Variants in SDK1 observed in about 807,000 individuals in gnomAD.
SDK1 encodes sidekick cell adhesion molecule 1.
In SDK1, 157 loss-of-function variants were observed where a neutral mutation model predicts 245.5. The observed-to-expected ratio is 0.64, with a 90% CI of 0.56 to 0.73. SDK1 has a LOEUF of 0.73. Ranked by LOEUF, SDK1 falls within the 30% of genes least tolerant of loss-of-function variation. The pLI is 0.00. For missense variants in SDK1, 3,583 were observed against 3,002.3 expected (o/e 1.19, Z -4.52); for synonymous variants, 1,647 against 1,278.5 (o/e 1.29, Z -6.15).
chr7:3,643,875 A>T (rs974237027), intron 4 of SDK1: 1 of 147,878 alleles, frequency 6.8e-6, no homozygotes, highest in African/African-American at 2.5e-5. Context: ...AATTATTATT[A>T]TTACTATTAA....
chr7:4,114,435 A>G (rs972755428), intron 25 of SDK1, among the ~76,000 whole-genome samples, 161 bp downstream of exon 25: 5 of 152,162 alleles, frequency 3.3e-5, no homozygotes, highest in Non-Finnish European at 7.3e-5. Context: ...CTCGGCAGGA[A>G]TTTCTGTCTG....
At chr7:3,595,164 G>C (rs1053488722) in intron 1 of SDK1, among the ~76,000 whole-genome samples, 1 of 151,936 alleles carries the variant, frequency 6.6e-6, no homozygotes, top group African/African-American at 2.4e-5. Context: ...TGAATAATGT[G>C]AGCTTTTTCA....
At chr7:3,975,999 G>GGCTGCAAA (rs1754266194) in intron 13 of SDK1, among the ~76,000 whole-genome samples, 1 of 17,440 alleles carries the variant, frequency 5.7e-5, no homozygotes, top group Non-Finnish European at 1.2e-4. Flanking sequence ...CCGGGGCTGA[G>GGCTGCAAA]GCTGCCACGC....
chr7:3,320,016 T>TG (rs902102745), intron 1 of SDK1, among the ~76,000 whole-genome samples: 81 of 152,000 alleles, frequency 5.3e-4, no homozygotes, highest in African/African-American at 1.9e-3. Flanking sequence ...CTGGATGTGG[T>TG]GGAGGGATAT....
At chr7:3,354,855 C>G (rs1190866435) in intron 1 of SDK1, among the ~76,000 whole-genome samples, 1 of 152,210 alleles carries the variant, frequency 6.6e-6, no homozygotes, top group Non-Finnish European at 1.5e-5. Context: ...AACGATTGGA[C>G]TTAAAGTGTA....
chr7:4,019,799 GTGTCTTCTTCA>G (rs1786727239), intron 17 of SDK1, among the ~76,000 whole-genome samples: 2 of 152,176 alleles, frequency 1.3e-5, no homozygotes, highest in African/African-American at 2.4e-5. Flanking sequence ...TCCTGTCTTC[GTGTCTTCTTCA>G]TGTCTTCTGC....
chr7:3,801,860 A>G (rs960019597), intron 4 of SDK1, among the ~76,000 whole-genome samples: 22 of 151,150 alleles, frequency 1.5e-4, no homozygotes, highest in African/African-American at 4.1e-4. Context: ...CGATTCTCAA[A>G]CTCCAACATT....
chr7:3,748,898 A>G (rs563349238), intron 4 of SDK1, among the ~76,000 whole-genome samples: 5 of 152,238 alleles, frequency 3.3e-5, no homozygotes, highest in South Asian at 4.1e-4. Flanking sequence ...TGTCCAGACA[A>G]TTTTTTGTTG....
At chr7:3,533,778 C>A (rs1253304847) in intron 1 of SDK1, among the ~76,000 whole-genome samples, 1 of 151,862 alleles carries the variant, frequency 6.6e-6, no homozygotes, top group African/African-American at 2.4e-5. Context: ...TTGGCTGCTT[C>A]CCCCGCCCCC....
chr7:4,027,356 C>T (rs1364927492), intron 17 of SDK1, among the ~76,000 whole-genome samples: 1 of 152,168 alleles, frequency 6.6e-6, no homozygotes, highest in South Asian at 2.1e-4. Flanking sequence ...TCCTCCTGTG[C>T]CAAATCCAGC....
intron 1 of SDK1, among the ~76,000 whole-genome samples, chr7:3,610,608 A>G (rs1251027290): frequency 6.6e-6 from 1 of 152,254 alleles, no homozygotes; most frequent in Non-Finnish European, 1.5e-5. Context: ...ACTAGTACAT[A>G]AATATAGCCA....
intron 1 of SDK1, among the ~76,000 whole-genome samples, chr7:3,468,415 C>T (rs1057203653): frequency 5.3e-5 from 8 of 152,042 alleles, no homozygotes; most frequent in African/African-American, 1.7e-4. Flanking sequence ...CATTCTCCCC[C>T]GAATCTACCC....
chr7:3,678,708 G>T (rs556011715), intron 4 of SDK1, among the ~76,000 whole-genome samples: 1 of 152,142 alleles, frequency 6.6e-6, no homozygotes, highest in African/African-American at 2.4e-5. Flanking sequence ...AGAAATAGTG[G>T]TGATATGCAC....
chr7:3,775,619 G>T (rs1337836414), intron 4 of SDK1, among the ~76,000 whole-genome samples: 7 of 150,790 alleles, frequency 4.6e-5, no homozygotes, highest in Non-Finnish European at 2.9e-5. Context: ...GCCCAGGCCG[G>T]ACTGCGGACT....
At chr7:4,135,808 C>T (rs773243751) in intron 28 of SDK1, among the ~76,000 whole-genome samples, 1 of 152,172 alleles carries the variant, frequency 6.6e-6, no homozygotes, top group South Asian at 2.1e-4. Flanking sequence ...TTCATCGTTT[C>T]CCTGGCACCA....
intron 30 of SDK1, 142 bp downstream of exon 30, chr7:4,149,605 C>G (rs1562888629): frequency 1.8e-6 from 1 of 541,216 alleles, no homozygotes; most frequent in Non-Finnish European, 3.1e-6. Flanking sequence ...TTGACACTCC[C>G]CATGCTGGGA....
intron 4 of SDK1, among the ~76,000 whole-genome samples, chr7:3,711,104 C>G (rs1785037795): frequency 6.6e-6 from 1 of 152,060 alleles, no homozygotes; most frequent in Admixed American, 6.5e-5. Flanking sequence ...AGTTTCGTAT[C>G]CAAAAGTTTG....
At chr7:3,992,945 G>A (rs1784450460) in intron 14 of SDK1, among the ~76,000 whole-genome samples, 1 of 152,112 alleles carries the variant, frequency 6.6e-6, no homozygotes, top group South Asian at 2.1e-4. Flanking sequence ...GACCCGTTTT[G>A]CATCTATTTA....
intron 5 of SDK1, among the ~76,000 whole-genome samples, chr7:3,906,382 A>T (rs940316649): frequency 6.7e-6 from 1 of 150,164 alleles, no homozygotes; most frequent in African/African-American, 2.4e-5. Context: ...CTGTATGCGT[A>T]TGTGTGTGTG....
Sources: allele counts gnomAD v4.1 joint callset (sites outside exome capture counted in the v4.1 genomes callset), GRCh38; gene constraint gnomAD v4.1.1; transcripts MANE v1.5; gene names NCBI Gene and HGNC (gene_info 2026-07-23, HGNC 2026-07-21).